The following SUPT20H variants were observed in gnomAD, a reference collection of about 807,000 sequenced individuals.
SUPT20H encodes the protein transcription factor SPT20 homolog.
Under a neutral mutation model 122.8 loss-of-function variants are expected in SUPT20H, and 82 were observed. That is an observed-to-expected ratio of 0.67 (90% CI 0.56 to 0.80). SUPT20H has a LOEUF of 0.80. SUPT20H is among the 30% of genes least tolerant of loss of function. The pLI, the probability that SUPT20H is intolerant of heterozygous loss-of-function variation, is 0.00. For synonymous variants in SUPT20H, 291 were observed against 313.0 expected (o/e 0.93, Z 0.74); for missense variants, 831 against 921.6 (o/e 0.90, Z 1.27).
intron 25 of SUPT20H, 141 bp from the exon 26 acceptor site, chr13:37,009,950 CAA>C: frequency 8.4e-7 from 1 of 1,188,780 alleles, no homozygotes; most frequent in East Asian, 2.6e-5. Context: ...CACATTGAGA[CAA>C]TGCACAGTCA....
chr13:37,020,645 T>G (rs900938205), intron 21 of SUPT20H, among the ~76,000 whole-genome samples: 1 of 152,198 alleles, frequency 6.6e-6, no homozygotes, highest in African/African-American at 2.4e-5. Context: ...TAGCTAGAAT[T>G]AGGAAATTAC....
intron 21 of SUPT20H, among the ~76,000 whole-genome samples, chr13:37,020,221 G>C (rs1327922811): frequency 6.6e-6 from 1 of 150,588 alleles, no homozygotes; most frequent in Non-Finnish European, 1.5e-5. Context: ...TTTTTTTAAA[G>C]ATTTAAGGGA....
intron 1 of SUPT20H, among the ~76,000 whole-genome samples, chr13:37,054,386 C>T (rs1185377441): frequency 2.0e-5 from 3 of 152,248 alleles, no homozygotes; most frequent in South Asian, 2.1e-4. Context: ...AATGGCAAAT[C>T]GAATCCAGCA....
chr13:37,033,780 A>C (rs557666187), intron 9 of SUPT20H, among the ~76,000 whole-genome samples, 192 bp from the exon 10 acceptor site: 5 of 152,218 alleles, frequency 3.3e-5, no homozygotes, highest in Non-Finnish European at 7.3e-5. Flanking sequence ...CTTCTAATGG[A>C]AATTCAATGC....
In SUPT20H at chr13:37,010,575, G is replaced by T; in HGVS notation, c.2179C>A (p.Gln727Lys). The part of the protein sequence containing the change: ...QQRFQLSSAF[Q>K]QQQQQIQQLR... ...ACTTGTATCTGTTGCTGCTGCTGTT[G>T]AAAGGCAGAGGAGAGCTGGAATCTC... Residue 727 changes from glutamine (Q) to lysine (K), a missense_variant, in exon 25 of 26, where the codon CAA becomes AAA. Gln to Lys is a moderately conservative substitution (Grantham distance 53). Transcript: ENST00000350612. 6.2e-7 allele frequency: 1 copy of T among 1,613,880 alleles called. No homozygotes were observed. The highest frequency in any genetic ancestry group is 8.5e-7 in the Non-Finnish European group (1 of 1,179,868).
intron 9 of SUPT20H, among the ~76,000 whole-genome samples, chr13:37,035,167 A>C (rs1387144617): frequency 6.6e-6 from 1 of 152,206 alleles, no homozygotes; most frequent in African/African-American, 2.4e-5. Context: ...ATATTTAAAA[A>C]ATGTATTTTG....
At chr13:37,019,539 T>A in intron 21 of SUPT20H, 142 bp from the exon 22 acceptor site, 1 of 492,494 alleles carries the variant, frequency 2.0e-6, no homozygotes, top group African/African-American at 2.0e-5. Flanking sequence ...AAAAATATCT[T>A]AAAAACAAAA....
At chr13:37,054,509 G>A (rs562989978) in intron 1 of SUPT20H, among the ~76,000 whole-genome samples, 2 of 152,278 alleles carry the variant, frequency 1.3e-5, no homozygotes, top group African/African-American at 4.8e-5. Context: ...CAGAACCCAT[G>A]ACAAAAACCA....
intron 24 of SUPT20H, 104 bp downstream of exon 24, chr13:37,012,088 T>C (rs1391941198): frequency 1.2e-6 from 1 of 855,878 alleles, no homozygotes; most frequent in African/African-American, 1.7e-5. Flanking sequence ...TTTTCCTGTT[T>C]ACTGGTTGCA....
Position 37,043,575 on chromosome 13 carries a change from A to G in SUPT20H, c.396+503T>C, listed in dbSNP as rs1207925630. Among the ~76,000 whole-genome samples, 10 of 152,300 alleles carry G rather than the reference A, an allele frequency of 6.6e-5. 1 individual carries two copies. The East Asian group carries it at 1.9e-3, about 29-fold the overall frequency. On this transcript the variant is annotated intron_variant, in intron 7 of 25. Coordinates refer to ENST00000350612, the MANE Select transcript of SUPT20H (RefSeq NM_001014286.3). ...TAGAAGAACTACGTCTCTACGTTTC[A>G]GTATACCCTAAAGGTTAAATATCCG...
At position 37,024,327 on chromosome 13, in the gene SUPT20H, A is replaced by G. The variant is rs1231300062; in HGVS notation, c.1432+13T>C. 1.3e-6 allele frequency: 2 copies of G among 1,557,976 alleles called. No homozygotes were observed. The highest frequency in any genetic ancestry group is 2.5e-5 in the South Asian group (2 of 80,810). ...TGTTATTCTAGACTGCAAAAAACTA[A>G]GAAATGTAATACCTGAGGAACTATT... On this transcript the variant is annotated intron_variant, in intron 18 of 25. Transcript: ENST00000350612.
At chr13:37,010,345 T>TA (rs1304316425) in intron 25 of SUPT20H, among the ~76,000 whole-genome samples, 1 of 152,158 alleles carries the variant, frequency 6.6e-6, no homozygotes, top group Non-Finnish European at 1.5e-5. Flanking sequence ...CATGAAAAAT[T>TA]TTATAGAGTA....
At chr13:37,044,372 A>G (rs34396196) in intron 6 of SUPT20H, among the ~76,000 whole-genome samples, 191 bp from the exon 7 acceptor site, 3,618 of 152,250 alleles carry the variant, frequency 0.024, 65 homozygotes, top group South Asian at 0.06. Flanking sequence ...GGGGAAAAAA[A>G]AAACCTAACA....
chr13:37,031,420 ATTG>A, intron 12 of SUPT20H, 144 bp downstream of exon 12: 1 of 454,208 alleles, frequency 2.2e-6, no homozygotes, highest in Non-Finnish European at 3.9e-6. Flanking sequence ...AATAAATCAT[ATTG>A]TTTTTAAAAA....
intron 3 of SUPT20H, 95 bp downstream of exon 3, chr13:37,048,469 G>T: frequency 1.8e-6 from 2 of 1,116,202 alleles, no homozygotes; most frequent in Non-Finnish European, 2.5e-6. Context: ...ATAGTAATGT[G>T]CTCCTTTAAA....
At chr13:37,047,378 A>C in intron 5 of SUPT20H, 157 bp downstream of exon 5, 1 of 722,600 alleles carries the variant, frequency 1.4e-6, no homozygotes, top group Non-Finnish European at 2.0e-6. Context: ...GTGCCAGATT[A>C]GCCAGAGCTC....
chr13:37,048,963 T>C (rs923139844), intron 2 of SUPT20H, among the ~76,000 whole-genome samples: 1 of 151,630 alleles, frequency 6.6e-6, no homozygotes, highest in Admixed American at 6.6e-5. Context: ...AACCAAAGGC[T>C]AAACTCTCCT....
At chr13:37,013,764 G>T (rs1437967793) in intron 23 of SUPT20H, 1 of 152,042 alleles carries the variant, frequency 6.6e-6, no homozygotes, top group African/African-American at 2.4e-5. Flanking sequence ...CATTTATCTT[G>T]AGGGGATCTC....
Position 37,021,462 on chromosome 13 carries a change from G to A in SUPT20H, c.1802C>T (p.Ala601Val), listed in dbSNP as rs1465263466. Reference sequence around the variant, plus strand: ...AACATTCTGACCTGCTTGAGAAGCTGCCTGCATTGCACTGGGCAGTGCATT... The same window carrying A: ...AACATTCTGACCTGCTTGAGAAGCTACCTGCATTGCACTGGGCAGTGCATT... ...LPNALPSAMQAASQAGVPFGL... is the reference protein window; with the variant it reads ...LPNALPSAMQVASQAGVPFGL... The change falls in exon 21 of 26, where the codon GCA becomes GTA. Residue 601 changes from alanine (A) to valine (V), a missense_variant. Ala to Val is a moderately conservative substitution (Grantham distance 64). Transcript: ENST00000350612. 6.2e-7 allele frequency: 1 copy of A among 1,608,448 alleles called. No homozygotes were observed. Among genetic ancestry groups the A allele is most frequent in the Admixed American group, 1.7e-5 (1 of 58,932 alleles).
Sources: allele counts gnomAD v4.1 joint callset (sites outside exome capture counted in the v4.1 genomes callset), GRCh38; gene constraint gnomAD v4.1.1; transcripts MANE v1.5; gene names NCBI Gene and HGNC (gene_info 2026-07-23, HGNC 2026-07-21).